SLC25A16: variants seen among roughly 807,000 people sequenced by gnomAD.
SLC25A16 encodes the protein mitochondrial coenzyme A transporter SLC25A16.
SLC25A16 carries 39 observed loss-of-function variants against 41.5 expected under a neutral mutation model. The ratio of observed to expected loss-of-function variants is 0.94; its 90% CI spans 0.73 to 1.23. The LOEUF is 1.23. Among genes scored for constraint, SLC25A16 ranks in the 50% most tolerant of loss-of-function variants. The pLI is 0.00. For synonymous variants in SLC25A16, 146 were observed against 147.8 expected, an observed-to-expected ratio of 0.99 and a Z score of 0.09; for missense variants, 421 against 426.9, an observed-to-expected ratio of 0.99 and a Z score of 0.12.
At chr10:68,510,987 C>A (rs2053053497) in intron 2 of SLC25A16, among the ~76,000 whole-genome samples, 1 of 152,104 alleles carries the variant, frequency 6.6e-6, no homozygotes, top group Non-Finnish European at 1.5e-5. Flanking sequence ...GCCTATAATC[C>A]CAGCACTTTG....
At chr10:68,490,813 C>T (rs2052644714) in intron 6 of SLC25A16, among the ~76,000 whole-genome samples, 1 of 151,984 alleles carries the variant, frequency 6.6e-6, no homozygotes, top group South Asian at 2.1e-4. Context: ...TAAAGACTAT[C>T]CATAAAAGAA....
intron 2 of SLC25A16, 45 bp downstream of exon 2, chr10:68,516,706 C>T (rs1384599048): frequency 1.5e-6 from 2 of 1,355,922 alleles, no homozygotes; most frequent in East Asian, 2.4e-5. Flanking sequence ...GCCCACTTTC[C>T]ACAATATTTT....
At chr10:68,522,487 C>A (rs914056373) in intron 1 of SLC25A16, among the ~76,000 whole-genome samples, 1 of 151,596 alleles carries the variant, frequency 6.6e-6, no homozygotes, top group African/African-American at 2.4e-5. Flanking sequence ...CGAGACCAGT[C>A]TGGCCAGAAT....
At chr10:68,524,393 T>C (rs2053301897) in intron 1 of SLC25A16, among the ~76,000 whole-genome samples, 1 of 141,096 alleles carries the variant, frequency 7.1e-6, no homozygotes, top group South Asian at 2.3e-4. Flanking sequence ...AATACAAAAT[T>C]AGCTGGGTGT....
At chr10:68,500,385 G>A (rs189190527) in intron 4 of SLC25A16, among the ~76,000 whole-genome samples, 1 of 152,190 alleles carries the variant, frequency 6.6e-6, no homozygotes, top group African/African-American at 2.4e-5. Context: ...TGGGCTCACT[G>A]CAACCTCCAC....
At position 68,493,136 on chromosome 10, in the gene SLC25A16, A is replaced by C; in HGVS notation, c.606T>G (p.Tyr202Ter). ...TCTGGCAAATTTGAAACATACCTGCATATGGAGCCATTCCTAAAATAGTAG... is the reference window on the plus strand; with the variant it reads ...TCTGGCAAATTTGAAACATACCTGCCTATGGAGCCATTCCTAAAATAGTAG... ...LMPTILGMAP[Y>*]AGVSFFTFGT... The change falls in exon 6 of 9, where the codon TAT becomes TAG. Residue 202 changes from tyrosine (Y) to a stop codon, truncating the protein, a stop_gained. Transcript: ENST00000609923. LOFTEE classifies it high-confidence loss of function. The C allele has an allele frequency of 6.3e-7, 1 of 1,582,054 alleles. No individual in the cohort carries two copies. The highest frequency in any genetic ancestry group is 8.6e-7 in the Non-Finnish European group (1 of 1,164,268).
At chr10:68,517,621 T>G (rs1194225417) in intron 1 of SLC25A16, 1 of 152,000 alleles carries the variant, frequency 6.6e-6, no homozygotes, top group Non-Finnish European at 1.5e-5. Context: ...TACTTGAGAC[T>G]AGGAGTTTGA....
chr10:68,481,669 A>C lies in SLC25A16; in HGVS notation c.*1763T>G, dbSNP rs2052484985. The C allele has an allele frequency of 6.6e-6, 1 of 152,020 alleles. No individual in the cohort carries two copies. The highest frequency in any genetic ancestry group is 6.6e-5 in the Admixed American group (1 of 15,232). 9.4% of individuals were successfully genotyped at this position (152,020 alleles called of 1,614,324 possible). A position where few individuals can be genotyped will look rare whatever the true frequency, so the allele number is the denominator to read the frequency against. On this transcript the variant is annotated 3_prime_UTR_variant, in exon 9 of 9. Coordinates refer to ENST00000609923, the MANE Select transcript of SLC25A16 (RefSeq NM_152707.4). The stretch of plus-strand genomic sequence containing the variant: ...CATTCTGTCACCCAGGCTGGAGTGC[A>C]GTGGTGTGATCTCAGCTCACTGCAA...
chr10:68,504,302 C>T (rs1424502823), intron 3 of SLC25A16, among the ~76,000 whole-genome samples: 1 of 151,884 alleles, frequency 6.6e-6, no homozygotes, highest in African/African-American at 2.4e-5. Context: ...TAGGCTGAAG[C>T]CACCGCACCC....
At chr10:68,519,424 C>A (rs554413557) in intron 1 of SLC25A16, among the ~76,000 whole-genome samples, 5 of 148,302 alleles carry the variant, frequency 3.4e-5, no homozygotes, top group Non-Finnish European at 6.0e-5. Context: ...AGGCAGAGGT[C>A]TCAGTGAGCT....
At position 68,483,364 on chromosome 10, in the gene SLC25A16, C is replaced by G. The variant is rs925720421; in HGVS notation, c.*68G>C. The G allele has an allele frequency of 1.3e-5, 13 of 1,038,870 alleles. No individual in the cohort carries two copies. The highest frequency in any genetic ancestry group is 4.8e-5 in the African/African-American group (3 of 62,652). The allele number at this position is 1,038,870 out of a possible 1,614,324, so 64.4% of individuals were successfully genotyped here. A position where few individuals can be genotyped will look rare whatever the true frequency, so the allele number is the denominator to read the frequency against. ...ATCCCCATTCAAGTAATGTTCCCCC[C>G]ACAATTATAGTAATGTTTCATTTCT... On this transcript the variant is annotated 3_prime_UTR_variant, in exon 9 of 9. Coordinates refer to ENST00000609923, the MANE Select transcript of SLC25A16 (RefSeq NM_152707.4).
At chr10:68,508,994 A>C (rs565178197) in intron 2 of SLC25A16, among the ~76,000 whole-genome samples, 2 of 152,270 alleles carry the variant, frequency 1.3e-5, no homozygotes, top group Admixed American at 6.6e-5. Context: ...CAATTTTGTT[A>C]AAAGCATTTT....
intron 1 of SLC25A16, among the ~76,000 whole-genome samples, chr10:68,524,272 G>A (rs557876820): frequency 1.3e-4 from 16 of 127,166 alleles, no homozygotes; most frequent in African/African-American, 4.4e-4. Context: ...CCGAGAGCAC[G>A]CCACTGCACT....
chr10:68,506,388 G>A (rs955583157), intron 3 of SLC25A16, among the ~76,000 whole-genome samples, 197 bp downstream of exon 3: 1 of 151,746 alleles, frequency 6.6e-6, no homozygotes, highest in Non-Finnish European at 1.5e-5. Flanking sequence ...AGGTTGCAGT[G>A]AGCCTTTCAA....
chr10:68,503,691 A>G lies in SLC25A16; in HGVS notation c.362T>C (p.Ile121Thr). The G allele has an allele frequency of 1.3e-6, 2 of 1,594,628 alleles. No individual in the cohort carries two copies. Among genetic ancestry groups the G allele is most frequent in the South Asian group, 2.2e-5 (2 of 89,450 alleles). ...ACCTGAAATTCCCAGCTTCGTAGTA[A>G]TTAACTAGAAAACAAGAACACTGAA... Reference protein sequence around the residue: ...FMAFEHYKTLITTKLGISGHV... With the variant: ...FMAFEHYKTLTTTKLGISGHV... Residue 121 changes from isoleucine (I) to threonine (T), a missense_variant, in exon 4 of 9, where the codon ATT (isoleucine) becomes ACT (threonine). Physicochemically the swap from Ile to Thr is moderately conservative, Grantham distance 89 (BLOSUM62 -1). Transcript: ENST00000609923.
At chr10:68,514,846 T>G (rs2053133111) in intron 2 of SLC25A16, among the ~76,000 whole-genome samples, 1 of 151,830 alleles carries the variant, frequency 6.6e-6, no homozygotes, top group Non-Finnish European at 1.5e-5. Flanking sequence ...CAAGCTATTC[T>G]CCTGCCTCAA....
At chr10:68,524,707 CAAAAAAAAA>C (rs1182825187) in intron 1 of SLC25A16, among the ~76,000 whole-genome samples, 1 of 68,536 alleles carries the variant, frequency 1.5e-5, no homozygotes, top group Non-Finnish European at 3.0e-5. Context: ...GACTCCATCT[CAAAAAAAAA>C]AAAAAAAAAA....
chr10:68,525,539 G>A (rs189583289), intron 1 of SLC25A16, among the ~76,000 whole-genome samples: 40 of 152,156 alleles, frequency 2.6e-4, no homozygotes, highest in African/African-American at 8.4e-4. Flanking sequence ...CTGGAGCCTC[G>A]ATCTCCTGGA....
At chr10:68,518,708 AG>A (rs1215819990) in intron 1 of SLC25A16, among the ~76,000 whole-genome samples, 11 of 151,952 alleles carry the variant, frequency 7.2e-5, no homozygotes, top group East Asian at 5.8e-4. Context: ...CAGGAGGCAG[AG>A]GTAATAGTGA....
Sources: allele counts gnomAD v4.1 joint callset (sites outside exome capture counted in the v4.1 genomes callset), GRCh38; gene constraint gnomAD v4.1.1; transcripts MANE v1.5; gene names NCBI Gene and HGNC (gene_info 2026-07-23, HGNC 2026-07-21).